RPGRIP1L: variants seen among roughly 807,000 people sequenced by gnomAD.
RPGRIP1L encodes protein fantom.
Under a neutral mutation model 160.4 loss-of-function variants are expected in RPGRIP1L, and 131 were observed. The ratio of observed to expected loss-of-function variants is 0.82; its 90% CI spans 0.71 to 0.94. The LOEUF (loss-of-function observed/expected upper bound fraction) is 0.94, where lower values mean the gene tolerates loss of function less well. Among genes scored for constraint, RPGRIP1L ranks in the 40% least tolerant of loss-of-function variants. RPGRIP1L has a pLI of 0.00. For missense variants in RPGRIP1L, 1,522 were observed against 1,535.8 expected, an observed-to-expected ratio of 0.99 and a Z score of 0.15; for synonymous variants, 510 against 515.8, an observed-to-expected ratio of 0.99 and a Z score of 0.15.
chr16:53,691,807 TTCAAC>T (rs1425301044), intron 4 of RPGRIP1L, among the ~76,000 whole-genome samples: 5 of 152,338 alleles, frequency 3.3e-5, no homozygotes, highest in Admixed American at 1.3e-4. Flanking sequence ...CCAAACGCAA[TTCAAC>T]TCATTTTACT....
At chr16:53,656,627 T>C (rs771774067) in intron 13 of RPGRIP1L, 38 bp from the exon 14 acceptor site, 2 of 1,333,406 alleles carry the variant, frequency 1.5e-6, no homozygotes, top group Non-Finnish European at 2.2e-6. Context: ...ATACTTATGA[T>C]TAGTTCTATT....
At chr16:53,696,546 T>C (rs1016230519) in intron 2 of RPGRIP1L, among the ~76,000 whole-genome samples, 5 of 152,240 alleles carry the variant, frequency 3.3e-5, no homozygotes, top group Non-Finnish European at 5.9e-5. Context: ...CAAAAATGTA[T>C]TCAAGTGCCG....
At chr16:53,674,868 A>G (rs1567866984) in intron 7 of RPGRIP1L, 149 bp downstream of exon 7, 9 of 600,602 alleles carry the variant, frequency 1.5e-5, no homozygotes, top group Non-Finnish European at 2.6e-5. Context: ...ATATTAAGGG[A>G]AATGATACAC....
intron 10 of RPGRIP1L, among the ~76,000 whole-genome samples, chr16:53,662,364 T>G (rs1389141577): frequency 6.6e-6 from 1 of 152,148 alleles, no homozygotes; most frequent in Non-Finnish European, 1.5e-5. Flanking sequence ...AAATGCAAAC[T>G]GCATTTACAT....
At chr16:53,651,787 C>T (rs940503514) in intron 15 of RPGRIP1L, among the ~76,000 whole-genome samples, 2 of 152,060 alleles carry the variant, frequency 1.3e-5, no homozygotes, top group Non-Finnish European at 2.9e-5. Flanking sequence ...TTTTGTCTGT[C>T]TTATTTACCA....
At chr16:53,670,900 G>C (rs1435780822) in intron 9 of RPGRIP1L, among the ~76,000 whole-genome samples, 1 of 152,056 alleles carries the variant, frequency 6.6e-6, no homozygotes, top group African/African-American at 2.4e-5. Context: ...TTCAAGATCA[G>C]CCTGAGCAAC....
chr16:53,642,163 A>T (rs189490343), intron 17 of RPGRIP1L, among the ~76,000 whole-genome samples: 148 of 151,954 alleles, frequency 9.7e-4, no homozygotes, highest in African/African-American at 3.3e-3. Flanking sequence ...TCTCTGACTT[A>T]AACAAAATCT....
chr16:53,664,317 T>C (rs1968058377), intron 10 of RPGRIP1L, among the ~76,000 whole-genome samples: 1 of 152,204 alleles, frequency 6.6e-6, no homozygotes, highest in Admixed American at 6.5e-5. Context: ...TGTCACAAAG[T>C]AGAATTAGAC....
chr16:53,619,738 T>C (rs1470613038), intron 23 of RPGRIP1L, among the ~76,000 whole-genome samples: 1 of 152,226 alleles, frequency 6.6e-6, no homozygotes, highest in Non-Finnish European at 1.5e-5. Flanking sequence ...TCTGTCATAA[T>C]ATACTTTGTT....
chr16:53,603,187 A>T (rs542281143), intron 26 of RPGRIP1L, among the ~76,000 whole-genome samples: 1 of 152,222 alleles, frequency 6.6e-6, no homozygotes, highest in Non-Finnish European at 1.5e-5. Flanking sequence ...CTCTGAGCTC[A>T]GTGGTGGAAG....
rs1015972897 is a variant in RPGRIP1L at position 53,619,180 on chromosome 16, A to G, written c.3461T>C (p.Ile1154Thr). Residue 1154 changes from isoleucine (I) to threonine (T), a missense_variant, in exon 24 of 27, where the codon ATA (isoleucine) becomes ACA (threonine). Coordinates refer to ENST00000647211, the MANE Select transcript of RPGRIP1L (RefSeq NM_015272.5). ...TTGAGAATCATTAAGGCTTAGAGCT[A>G]TGATCTCAATCCGAATTTTTTCTGA... is the stretch of plus-strand genomic sequence containing the variant. ...QPSEKIRIEI[I>T]ALSLNDSQVT... 4 of 1,613,596 alleles carry G rather than the reference A, an allele frequency of 2.5e-6. No individual in the cohort carries two copies. In the African/African-American group the frequency reaches 5.3e-5, roughly 22 times the overall value.
In RPGRIP1L at chr16:53,652,433, G is replaced by A. The variant is rs1966871663; in HGVS notation, c.2152+102C>T. Reference sequence around the variant, plus strand: ...TAAAGAATGTTGTCCTTGCTCTAAAGGCACCTTTAATATACAAGAAAAGAT... The same window carrying A: ...TAAAGAATGTTGTCCTTGCTCTAAAAGCACCTTTAATATACAAGAAAAGAT... On this transcript the variant is annotated intron_variant, in intron 15 of 26. Transcript: ENST00000647211. 10 of 910,528 alleles carry A rather than the reference G, an allele frequency of 1.1e-5. No individual in the cohort carries two copies. The South Asian group carries it at 1.4e-4, about 13-fold the overall frequency. 56.4% of individuals were successfully genotyped at this position (910,528 alleles called of 1,614,324 possible).
intron 18 of RPGRIP1L, 33 bp downstream of exon 18, chr16:53,641,252 C>T (rs760721840): frequency 6.3e-6 from 10 of 1,599,820 alleles, no homozygotes; most frequent in African/African-American, 5.4e-5. Context: ...AAATTTTATA[C>T]TTGTAAAAAA....
chr16:53,615,424 T>A (rs1485865535), intron 24 of RPGRIP1L, among the ~76,000 whole-genome samples: 1 of 150,286 alleles, frequency 6.7e-6, no homozygotes, highest in African/African-American at 2.4e-5. Context: ...AATTCAATTT[T>A]AGTTTTTCAG....
intron 22 of RPGRIP1L, chr16:53,628,250 T>C (rs1384209940): frequency 3.9e-5 from 6 of 152,142 alleles, no homozygotes; most frequent in Non-Finnish European, 8.8e-5. Context: ...CCAAGATCTA[T>C]GTCAATGCTT....
At chr16:53,605,760 T>C (rs2150921245) in intron 25 of RPGRIP1L, 146 bp from the exon 26 acceptor site, 4 of 792,004 alleles carry the variant, frequency 5.1e-6, no homozygotes, top group Non-Finnish European at 8.4e-6. Context: ...CTAGGCTAGA[T>C]AAGTTATTAT....
intron 9 of RPGRIP1L, among the ~76,000 whole-genome samples, chr16:53,666,438 A>G (rs1968254219): frequency 6.6e-6 from 1 of 152,136 alleles, no homozygotes; most frequent in Non-Finnish European, 1.5e-5. Context: ...TAAAATATGT[A>G]TTTTAAATAC....
At position 53,601,976 on chromosome 16, in the gene RPGRIP1L, T is replaced by C; in HGVS notation, c.*100A>G. 2.6e-6 allele frequency: 2 copies of C among 755,070 alleles called. No individual in the cohort carries two copies. The highest frequency in any genetic ancestry group is 4.7e-6 in the Non-Finnish European group (2 of 424,212). 46.8% of individuals were successfully genotyped at this position (755,070 alleles called of 1,614,324 possible). On this transcript the variant is annotated 3_prime_UTR_variant, in exon 27 of 27. Coordinates refer to ENST00000647211, the MANE Select transcript of RPGRIP1L (RefSeq NM_015272.5). ...CTCCCCGCTCCCAGCTTCCCATGAATTATAGATTATATACACCAGAGTAAT... is the reference window on the plus strand; with the variant it reads ...CTCCCCGCTCCCAGCTTCCCATGAACTATAGATTATATACACCAGAGTAAT...
intron 17 of RPGRIP1L, among the ~76,000 whole-genome samples, chr16:53,642,040 C>G (rs1966252746): frequency 6.6e-6 from 1 of 151,834 alleles, no homozygotes; most frequent in Admixed American, 6.6e-5. Context: ...ACAGAAAAAG[C>G]CCATAAAATA....
Sources: gnomAD v4.1 joint callset for allele counts (sites outside exome capture counted in the v4.1 genomes callset) on GRCh38, gnomAD v4.1.1 for gene constraint, MANE v1.5 for transcripts, NCBI Gene and HGNC (gene_info 2026-07-23, HGNC 2026-07-21) for gene names.